The following DOCK6 variants were observed in gnomAD, a reference collection of about 807,000 sequenced individuals.
DOCK6 encodes dedicator of cytokinesis 6.
DOCK6 carries 167 observed loss-of-function variants against 230.3 expected under a neutral mutation model. That is an observed-to-expected ratio of 0.73 (90% CI 0.64 to 0.82). DOCK6 has a LOEUF of 0.82. DOCK6 is among the 40% of genes least tolerant of loss of function. DOCK6 has a pLI of 0.00. For missense variants in DOCK6, 2,598 were observed against 2,825.8 expected (o/e 0.92, Z 1.83); for synonymous variants, 1,148 against 1,185.0 (o/e 0.97, Z 0.64).
In DOCK6 at chr19:11,199,539, C is replaced by A; in HGVS notation, c.6102G>T (p.Arg2034Ser). The A allele has an allele frequency of 6.3e-7, 1 of 1,577,680 alleles. No individual in the cohort carries two copies. Among genetic ancestry groups the A allele is most frequent in the South Asian group, 1.2e-5 (1 of 85,646 alleles). Residue 2034 changes from arginine (R) to serine (S), a missense_variant and splice_region_variant, in exon 48 of 48, where the codon AGG becomes AGT. Arg to Ser is a moderately radical substitution (Grantham distance 110). Coordinates refer to ENST00000294618, the MANE Select transcript of DOCK6 (RefSeq NM_020812.4). ...QLMAPTPPGL[R>S]NSLNRASFRK... ...GGAAACTTGCTCTGTTCAAGGAGTTCCTGGAAAAAGAATGAGGGTGGGTCA... is the reference window on the plus strand; with the variant it reads ...GGAAACTTGCTCTGTTCAAGGAGTTACTGGAAAAAGAATGAGGGTGGGTCA...
chr19:11,261,686 G>T (rs867813058), intron 1 of DOCK6, among the ~76,000 whole-genome samples: 13 of 152,072 alleles, frequency 8.5e-5, no homozygotes, highest in African/African-American at 3.1e-4. Flanking sequence ...ATCCCCCAGC[G>T]CCTGGGGCCT....
In DOCK6 at chr19:11,236,482, G is replaced by A. The variant is rs534173253; in HGVS notation, c.2256C>T (p.Asn752=). ...GACTGGCCCGCAGCTCCTGCTCCACGTTGCCCTCGCTCAGCACAGTGTCCT... is the reference window on the plus strand; with the variant it reads ...GACTGGCCCGCAGCTCCTGCTCCACATTGCCCTCGCTCAGCACAGTGTCCT... The part of the protein sequence containing the change: ...RLKDTVLSEG[N]VEQELRASLA... Residue 752 remains asparagine (N), a synonymous_variant, in exon 20 of 48, where the codon AAC becomes AAT. Transcript: ENST00000294618. The surrounding 1 kb of genome is among the most constrained non-coding windows in gnomAD (Gnocchi z 5.2). 1.3e-4 allele frequency: 206 copies of A among 1,599,906 alleles called. 4 individuals are homozygous for A. The South Asian group carries it at 1.9e-3, about 15-fold the overall frequency.
intron 37 of DOCK6, among the ~76,000 whole-genome samples, chr19:11,210,448 C>T (rs572233983): frequency 1.3e-4 from 19 of 146,730 alleles, no homozygotes; most frequent in African/African-American, 4.8e-4. Context: ...TCACCTGTCT[C>T]CTTGCCTGTT....
At chr19:11,254,682 GAA>G (rs974460402) in intron 1 of DOCK6, among the ~76,000 whole-genome samples, 3 of 135,266 alleles carry the variant, frequency 2.2e-5, no homozygotes, top group Admixed American at 7.4e-5. Context: ...ACTTTGTCTC[GAA>G]AAAAAAAAAA....
In DOCK6 at chr19:11,227,322, C is replaced by T. The variant is rs201572405; in HGVS notation, c.2955+15G>A. 7 of 1,612,676 alleles carry T rather than the reference C, an allele frequency of 4.3e-6. No individual in the cohort carries two copies. The Admixed American group carries it at 1.2e-4, about 27-fold the overall frequency. ...CCTCAGGTTTCTTCCCACATTGAGACCCTGCATCTCTCACCTTGTGGACAC... is the reference window on the plus strand; with the variant it reads ...CCTCAGGTTTCTTCCCACATTGAGATCCTGCATCTCTCACCTTGTGGACAC... On this transcript the variant is annotated intron_variant, in intron 24 of 47. Transcript: ENST00000294618.
At chr19:11,249,837 G>T (rs2080089266) in intron 6 of DOCK6, among the ~76,000 whole-genome samples, 1 of 137,058 alleles carries the variant, frequency 7.3e-6, no homozygotes, top group African/African-American at 2.6e-5. Flanking sequence ...GGCGGAGCTT[G>T]CAGTGAGCCG....
At chr19:11,241,819 G>A (rs2079950661) in intron 14 of DOCK6, 1 of 1,449,280 alleles carries the variant, frequency 6.9e-7, no homozygotes, top group Middle Eastern at 1.8e-4. Context: ...TCTGAGCACA[G>A]AGCAGAGACA....
intron 14 of DOCK6, chr19:11,241,756 T>G: frequency 6.4e-7 from 1 of 1,550,994 alleles, no homozygotes; most frequent in Admixed American, 2.0e-5. Flanking sequence ...GAGGCCCCTG[T>G]GCAGGGAGGA....
rs1198954379 is a variant in DOCK6 at position 11,249,898 on chromosome 19, C to CAA, written c.720+974_720+975dup. On this transcript the variant is annotated intron_variant, in intron 6 of 47. Coordinates refer to ENST00000294618, the MANE Select transcript of DOCK6 (RefSeq NM_020812.4). ...GGGCGACAAGAGCGAGACTCCATCTCAAAAAAAAAAAAAAAAAAAAAGCTA... is the reference window on the plus strand; with the variant it reads ...GGGCGACAAGAGCGAGACTCCATCTCAAAAAAAAAAAAAAAAAAAAAAAGCTA... Among the ~76,000 whole-genome samples, 409 of 50,188 alleles carry CAA rather than the reference C, an allele frequency of 8.1e-3. 21 individuals carry two copies. The highest frequency in any genetic ancestry group is 9.5e-3 in the East Asian group (14 of 1,474). 32.9% of individuals were successfully genotyped at this position (50,188 alleles called of 152,430 possible). A position where few individuals can be genotyped will look rare whatever the true frequency, so the allele number is the denominator to read the frequency against.
rs761123321 is a variant in DOCK6 at position 11,214,589 on chromosome 19, G to A, written c.4167C>T (p.Ser1389=). 6.2e-7 allele frequency: 1 copy of A among 1,613,872 alleles called. No homozygotes were observed. Among genetic ancestry groups the A allele is most frequent in the South Asian group, 1.1e-5 (1 of 91,080 alleles). Residue 1389 remains serine, a synonymous_variant, in exon 33 of 48, where the codon AGC becomes AGT. Coordinates refer to ENST00000294618, the MANE Select transcript of DOCK6 (RefSeq NM_020812.4). ...LVEGNLATEA[S]LVVLDTLEII... Reference sequence around the variant, plus strand: ...TCTCCAGTGTGTCCAGAACCACTAGGCTTGCCTCGGTTGCCAGGTTCCCTT... The same window carrying A: ...TCTCCAGTGTGTCCAGAACCACTAGACTTGCCTCGGTTGCCAGGTTCCCTT...
rs1027071958 is a variant in DOCK6 at position 11,242,218 on chromosome 19, A to C, written c.1481-11T>G. 2.1e-5 allele frequency: 30 copies of C among 1,449,362 alleles called. No individual in the cohort carries two copies. The highest frequency in any genetic ancestry group is 2.6e-5 in the Non-Finnish European group (29 of 1,102,912). 89.8% of individuals were successfully genotyped at this position (1,449,362 alleles called of 1,614,324 possible). On this transcript the variant is annotated splice_polypyrimidine_tract_variant and intron_variant, in intron 13 of 47. Coordinates refer to ENST00000294618, the MANE Select transcript of DOCK6 (RefSeq NM_020812.4). Reference sequence around the variant, plus strand: ...CGATCTTGAGCTGGGCTGGGAAGGGAAGAACCGGTTTGCACCTGCCTGGGA... The same window carrying C: ...CGATCTTGAGCTGGGCTGGGAAGGGCAGAACCGGTTTGCACCTGCCTGGGA...
rs753359530 is a variant in DOCK6 at position 11,236,422 on chromosome 19, A to G, written c.2316T>C (p.Leu772=). ...CCAGCACGTGGTGGGAGAAGGCCAC[A>G]AGGGGTTCGGGGCTGGCCAGGCGCA... The part of the protein sequence containing the change: ...AALRLASPEP[L]VAFSHHVLDK... Residue 772 remains leucine (L), a synonymous_variant, in exon 20 of 48, where the codon CTT becomes CTC. Transcript: ENST00000294618. This position sits in a 1 kb window ranked among gnomAD's most constrained non-coding sequence, Gnocchi z 5.2. 6.9e-6 allele frequency: 11 copies of G among 1,589,670 alleles called. No individual in the cohort carries two copies. Among genetic ancestry groups the G allele is most frequent in the Non-Finnish European group, 9.4e-6 (11 of 1,168,730 alleles).
intron 30 of DOCK6, among the ~76,000 whole-genome samples, chr19:11,216,443 T>C (rs1482430386): frequency 2.0e-5 from 3 of 151,330 alleles, no homozygotes; most frequent in Non-Finnish European, 4.4e-5. Context: ...AGTCTCACTC[T>C]GTTGCCCAGG....
intron 40 of DOCK6, 26 bp downstream of exon 40, chr19:11,204,174 G>A: frequency 6.5e-7 from 1 of 1,545,394 alleles, no homozygotes; most frequent in Middle Eastern, 1.8e-4. Flanking sequence ...TGAGGGTGGG[G>A]TCTGGGGAGG....
chr19:11,222,124 TC>T lies in DOCK6; in HGVS notation c.3364del (p.Glu1122AsnfsTer36). On this transcript the variant is annotated frameshift_variant, in exon 27 of 48. Transcript: ENST00000294618. LOFTEE classifies it high-confidence loss of function. This position sits in a 1 kb window ranked among gnomAD's most constrained non-coding sequence, Gnocchi z 4.0. Reference protein sequence around the residue: ...LLLTELALALEPEAEGAFLLH... With the variant: ...LLLTELALALXPEAEGAFLLH... ...CTCTGCTCACCCTTCAGCCTCAGGTTCGAGGGCCAGTGCCAGCTCCGTCAGC... is the reference window on the plus strand; with the variant it reads ...CTCTGCTCACCCTTCAGCCTCAGGTTGAGGGCCAGTGCCAGCTCCGTCAGC... The T allele has an allele frequency of 6.2e-7, 1 of 1,613,130 alleles. No homozygotes were observed. Among genetic ancestry groups the T allele is most frequent in the Non-Finnish European group, 8.5e-7 (1 of 1,179,602 alleles).
chr19:11,238,159 C>G (rs2079881393), intron 15 of DOCK6, 28 bp downstream of exon 15: 1 of 1,613,830 alleles, frequency 6.2e-7, no homozygotes, highest in Non-Finnish European at 8.5e-7. Context: ...GATGCCCTAC[C>G]CCCCTTCCCT....
intron 14 of DOCK6, among the ~76,000 whole-genome samples, chr19:11,239,424 C>T (rs1172168785): frequency 6.6e-6 from 1 of 152,190 alleles, no homozygotes; most frequent in Non-Finnish European, 1.5e-5. Context: ...TCTCCCAATG[C>T]CCCCCACCCA....
intron 22 of DOCK6, among the ~76,000 whole-genome samples, chr19:11,231,045 C>A (rs1314734253): frequency 6.6e-6 from 1 of 152,172 alleles, no homozygotes; most frequent in Non-Finnish European, 1.5e-5. Flanking sequence ...CAGTGTCACC[C>A]AGATTTCCAG....
At chr19:11,220,177 C>T (rs1283104140) in intron 28 of DOCK6, among the ~76,000 whole-genome samples, 1 of 152,084 alleles carries the variant, frequency 6.6e-6, no homozygotes, top group African/African-American at 2.4e-5. Context: ...TGGTCTCGAT[C>T]TCCTGACCTC....
Sources: allele counts gnomAD v4.1 joint callset (sites outside exome capture counted in the v4.1 genomes callset), GRCh38; gene constraint gnomAD v4.1.1; non-coding constraint Gnocchi (gnomAD v3.1); transcripts MANE v1.5; gene names NCBI Gene and HGNC (gene_info 2026-07-23, HGNC 2026-07-21).